NMT1: variants seen among roughly 807,000 people sequenced by gnomAD.
NMT1 encodes the protein glycylpeptide N-tetradecanoyltransferase 1.
A neutral mutation model predicts 63.4 loss-of-function variants in NMT1; 12 were observed. That is an observed-to-expected ratio of 0.19 (90% confidence interval 0.12 to 0.31). The LOEUF is 0.31. Among genes scored for constraint, NMT1 ranks in the 10% least tolerant of loss-of-function variants. The pLI, the probability that NMT1 is intolerant of heterozygous loss-of-function variation, is 1.00. For missense variants in NMT1, 432 were observed against 634.6 expected (o/e 0.68, Z 3.43); for synonymous variants, 228 against 234.3 (o/e 0.97, Z 0.25).
intron 3 of NMT1, among the ~76,000 whole-genome samples, chr17:45,093,129 C>G (rs1004187524): frequency 6.6e-6 from 1 of 151,668 alleles, no homozygotes; most frequent in East Asian, 1.9e-4. Flanking sequence ...CCCAAAGGCA[C>G]TTGCAGGACT....
At position 45,103,021 on chromosome 17, in the gene NMT1, G is replaced by C; in HGVS notation, c.1064G>C (p.Arg355Thr). The C allele has an allele frequency of 6.2e-7, 1 of 1,614,080 alleles. No homozygotes were observed. The highest frequency in any genetic ancestry group is 8.5e-7 in the Non-Finnish European group (1 of 1,179,950). Residue 355 changes from arginine to threonine, a missense_variant, in exon 9 of 12, where the codon AGG becomes ACG. This residue lies in a region of NMT1 where 295 missense variants were observed against 489.7 expected (regional missense o/e 0.60). Transcript: ENST00000258960. The surrounding 1 kb of genome is among the most constrained non-coding windows in gnomAD (Gnocchi z 4.8). ...DIPVVHQLLTRYLKQFHLTPV... is the reference protein window; with the variant it reads ...DIPVVHQLLTTYLKQFHLTPV... ...CCAGTAGTGCACCAGCTCCTCACCAGGTACTTGAAGCAATTTCACCTTACG... is the reference window on the plus strand; with the variant it reads ...CCAGTAGTGCACCAGCTCCTCACCACGTACTTGAAGCAATTTCACCTTACG...
Position 45,105,133 on chromosome 17 carries a change from C to T in NMT1, c.1470+137C>T, listed in dbSNP as rs987342836. 25 of 1,154,780 alleles carry T rather than the reference C, an allele frequency of 2.2e-5. No homozygotes were observed. Among genetic ancestry groups the T allele is most frequent in the Non-Finnish European group, 3.1e-5 (25 of 818,646 alleles). The allele number at this position is 1,154,780 out of a possible 1,614,324, so 71.5% of individuals were successfully genotyped here. On this transcript the variant is annotated intron_variant, in intron 11 of 11. Coordinates refer to ENST00000258960, the MANE Select transcript of NMT1 (RefSeq NM_021079.5). The surrounding 1 kb of genome is among the most constrained non-coding windows in gnomAD (Gnocchi z 4.2). Reference sequence around the variant, plus strand: ...CGAGTTGAACCTTTGAAAATGCCCTCCCTCTGCTGGCCAGACCAGCAGGTC... The same window carrying T: ...CGAGTTGAACCTTTGAAAATGCCCTTCCTCTGCTGGCCAGACCAGCAGGTC...
chr17:45,081,841 C>A, intron 2 of NMT1, 89 bp downstream of exon 2: 1 of 964,704 alleles, frequency 1.0e-6, no homozygotes, highest in Non-Finnish European at 1.6e-6. Context: ...CTTGGATTGA[C>A]GTTCTCCACT....
chr17:45,066,427 G>A (rs980395046), intron 1 of NMT1, among the ~76,000 whole-genome samples: 2 of 151,976 alleles, frequency 1.3e-5, no homozygotes, highest in South Asian at 2.1e-4. Flanking sequence ...TGTTTCCTCC[G>A]TAATTAAATC....
At position 45,104,549 on chromosome 17, in the gene NMT1, G is replaced by A; in HGVS notation, c.1333-310G>A. 8.5e-7 allele frequency: 1 copy of A among 1,174,134 alleles called. No individual in the cohort carries two copies. The highest frequency in any genetic ancestry group is 1.1e-6 in the Non-Finnish European group (1 of 944,236). The allele number at this position is 1,174,134 out of a possible 1,614,324, so 72.7% of individuals were successfully genotyped here. ...GAATGGGCTCAGGGTTTGGACTCCA[G>A]AGAGGACTGTGGAAATTACTAGAGT... On this transcript the variant is annotated intron_variant, in intron 10 of 11. Transcript: ENST00000258960. The surrounding 1 kb of genome is among the most constrained non-coding windows in gnomAD (Gnocchi z 4.2).
In NMT1 at chr17:45,104,494, A is replaced by G. The variant is rs1169518567; in HGVS notation, c.1333-365A>G. 117 of 1,108,250 alleles carry G rather than the reference A, an allele frequency of 1.1e-4. No individual in the cohort carries two copies. The highest frequency in any genetic ancestry group is 1.3e-4 in the Non-Finnish European group (115 of 904,486). 68.7% of individuals were successfully genotyped at this position (1,108,250 alleles called of 1,614,324 possible). ...GGAGTAAGGAAGCAACACAAACCCC[A>G]TGTAGCTGACCAGAGCCAGCTTCTC... On this transcript the variant is annotated intron_variant, in intron 10 of 11. Coordinates refer to ENST00000258960, the MANE Select transcript of NMT1 (RefSeq NM_021079.5). This position sits in a 1 kb window ranked among gnomAD's most constrained non-coding sequence, Gnocchi z 4.2.
chr17:45,094,878 T>C lies in NMT1; in HGVS notation c.504+1075T>C, dbSNP rs1280199277. ...CCCAGGCTGGAGTGCAGTGGCGCGA[T>C]CTTGGCTTACCCCAACCTCCACCTT... On this transcript the variant is annotated intron_variant, in intron 4 of 11. Transcript: ENST00000258960. Among the ~76,000 whole-genome samples, 3 of 148,364 alleles carry C rather than the reference T, an allele frequency of 2.0e-5. No individual in the cohort carries two copies. In the Admixed American group the frequency reaches 2.1e-4, roughly 10 times the overall value.
At chr17:45,078,072 C>A (rs1164924947) in intron 1 of NMT1, among the ~76,000 whole-genome samples, 1 of 152,150 alleles carries the variant, frequency 6.6e-6, no homozygotes, top group African/African-American at 2.4e-5. Flanking sequence ...CTGGATCTCT[C>A]CCTGTCACAG....
At chr17:45,099,333 G>A (rs2054146418) in intron 7 of NMT1, 72 bp from the exon 8 acceptor site, 1 of 1,043,286 alleles carries the variant, frequency 9.6e-7, no homozygotes, top group Non-Finnish European at 1.5e-6. Context: ...GGCCAGCTGG[G>A]GTCTCCCTGC....
At chr17:45,072,252 T>TAA (rs561408385) in intron 1 of NMT1, among the ~76,000 whole-genome samples, 24 of 143,508 alleles carry the variant, frequency 1.7e-4, no homozygotes, top group Admixed American at 2.8e-4. Context: ...AAACTGTCTT[T>TAA]ACAAAAAAAA....
At chr17:45,077,783 C>T (rs1003081143) in intron 1 of NMT1, among the ~76,000 whole-genome samples, 1 of 152,180 alleles carries the variant, frequency 6.6e-6, no homozygotes, top group Non-Finnish European at 1.5e-5. Context: ...TTGTCCTAGG[C>T]TGCAGATGGT....
intron 1 of NMT1, among the ~76,000 whole-genome samples, chr17:45,079,191 G>T (rs1207126231): frequency 6.6e-6 from 1 of 150,948 alleles, no homozygotes; most frequent in Non-Finnish European, 1.5e-5. Flanking sequence ...TGCAACCACA[G>T]CCTCCCGGGT....
Position 45,104,778 on chromosome 17 carries a change from T to A in NMT1, c.1333-81T>A. 1 of 1,584,922 alleles carries A rather than the reference T, an allele frequency of 6.3e-7. No homozygotes were observed. The highest frequency in any genetic ancestry group is 8.6e-7 in the Non-Finnish European group (1 of 1,161,924). On this transcript the variant is annotated intron_variant, in intron 10 of 11. Transcript: ENST00000258960. This position sits in a 1 kb window ranked among gnomAD's most constrained non-coding sequence, Gnocchi z 4.2. ...TCTTGTGGCTGCCCACAGGACAGCTTTGAAATGGCAGCAAAGGGGTAGGAA... is the reference window on the plus strand; with the variant it reads ...TCTTGTGGCTGCCCACAGGACAGCTATGAAATGGCAGCAAAGGGGTAGGAA...
rs1421671608 is a variant in NMT1, at chr17:45,105,946, G to A, written c.*307G>A. Reference sequence around the variant, plus strand: ...GATTGGCATATAATGGAGTTAACGGGTGAATAATAAAAGTATATATATATA... The same window carrying A: ...GATTGGCATATAATGGAGTTAACGGATGAATAATAAAAGTATATATATATA... On this transcript the variant is annotated 3_prime_UTR_variant, in exon 12 of 12. Transcript: ENST00000258960. The surrounding 1 kb of genome is among the most constrained non-coding windows in gnomAD (Gnocchi z 4.2). 9.2e-6 allele frequency: 2 copies of A among 217,378 alleles called. No individual in the cohort carries two copies. The highest frequency in any genetic ancestry group is 9.3e-5 in the South Asian group (1 of 10,784). The allele number at this position is 217,378 out of a possible 1,614,324, so 13.5% of individuals were successfully genotyped here.
intron 1 of NMT1, among the ~76,000 whole-genome samples, chr17:45,075,437 A>G (rs1207765225): frequency 6.6e-6 from 1 of 150,544 alleles, no homozygotes; most frequent in Non-Finnish European, 1.5e-5. Flanking sequence ...GTGAGCCGAG[A>G]TCACACCACT....
At chr17:45,081,799 G>T in intron 2 of NMT1, 47 bp downstream of exon 2, 1 of 1,419,170 alleles carries the variant, frequency 7.0e-7, no homozygotes, top group South Asian at 1.3e-5. Context: ...TTTTTCACAT[G>T]AGAGAGTTTT....
chr17:45,066,587 C>T (rs2053904172), intron 1 of NMT1, among the ~76,000 whole-genome samples: 2 of 151,830 alleles, frequency 1.3e-5, no homozygotes, highest in South Asian at 4.2e-4. Context: ...GACCCCATCT[C>T]TATAAATAAA....
rs1597997122 is a variant in NMT1 at position 45,061,398 on chromosome 17, C to T, written c.69C>T (p.Asn23=). The part of the protein sequence containing the change: ...APPLPQMMEG[N]GNGHEHCSDC... ...CGCTGCCGCAGATGATGGAAGGGAA[C>T]GGGAACGGCCATGAGCACTGCAGCG... The change falls in exon 1 of 12, where the codon AAC becomes AAT. Residue 23 remains asparagine, a synonymous_variant. Transcript: ENST00000258960. The T allele has an allele frequency of 1.2e-6, 2 of 1,613,996 alleles. No homozygotes were observed. Among genetic ancestry groups the T allele is most frequent in the Non-Finnish European group, 8.5e-7 (1 of 1,179,964 alleles).
chr17:45,087,868 T>G (rs949503361), intron 3 of NMT1, among the ~76,000 whole-genome samples: 1 of 152,082 alleles, frequency 6.6e-6, no homozygotes, highest in African/African-American at 2.4e-5. Context: ...ATTTGTTTGC[T>G]GCAGAGGTTG....
Sources: gnomAD v4.1 joint callset for allele counts (sites outside exome capture counted in the v4.1 genomes callset) on GRCh38, gnomAD v4.1.1 for gene constraint, gnomAD v4.1.1 regional missense constraint, Gnocchi (gnomAD v3.1) non-coding constraint, MANE v1.5 for transcripts, NCBI Gene and HGNC (gene_info 2026-07-23, HGNC 2026-07-21) for gene names.